The following DNAAF8 variants were observed in gnomAD, a reference collection of about 807,000 sequenced individuals.
The protein encoded by DNAAF8 is dynein axonemal-associated protein 1.
Under a neutral mutation model 54.6 loss-of-function variants are expected in DNAAF8, and 61 were observed. The ratio of observed to expected loss-of-function variants is 1.12; its 90% CI spans 0.91 to 1.38. The LOEUF (loss-of-function observed/expected upper bound fraction) is 1.38, where lower values mean the gene tolerates loss of function less well. Ranked by LOEUF, DNAAF8 falls within the 40% of genes most tolerant of loss-of-function variation. The pLI, the probability that DNAAF8 is intolerant of heterozygous loss-of-function variation, is 0.00. For missense variants in DNAAF8, 837 were observed against 665.0 expected (o/e 1.26, Z -2.85); for synonymous variants, 320 against 270.1 (o/e 1.18, Z -1.81).
intron 1 of DNAAF8, chr16:4,735,285 C>T (rs2081869374): frequency 6.6e-6 from 1 of 152,248 alleles, no homozygotes; most frequent in East Asian, 1.9e-4. Flanking sequence ...AATTGCGGAA[C>T]AGAGCTCTAG....
At chr16:4,741,793 A>AT (rs1264421735) in intron 4 of DNAAF8, among the ~76,000 whole-genome samples, 1 of 152,138 alleles carries the variant, frequency 6.6e-6, no homozygotes, top group Non-Finnish European at 1.5e-5. Context: ...AAAAAAAAAG[A>AT]AATTGGGATT....
chr16:4,740,560 T>C lies in DNAAF8; in HGVS notation c.684T>C (p.Gly228=). The C allele has an allele frequency of 6.2e-7, 1 of 1,613,490 alleles. No individual in the cohort carries two copies. Among genetic ancestry groups the C allele is most frequent in the Non-Finnish European group, 8.5e-7 (1 of 1,179,902 alleles). Residue 228 remains glycine, a synonymous_variant, in exon 4 of 10, where the codon GGT becomes GGC. Coordinates refer to ENST00000299320, the MANE Select transcript of DNAAF8 (RefSeq NM_139170.3). ...DACGPTSSDK[G]GVKEAPCHAA... ...GCGGCCCGACCAGCAGTGACAAAGG[T>C]GGGGTGAAGGAGGCGCCCTGCCACG...
At chr16:4,735,087 G>C (rs1057072192) in intron 1 of DNAAF8, 3 of 152,288 alleles carry the variant, frequency 2.0e-5, no homozygotes, top group African/African-American at 7.2e-5. Flanking sequence ...GGAGAGTCCA[G>C]CAACTGACAC....
At chr16:4,738,167 T>C (rs1380598231) in intron 3 of DNAAF8, among the ~76,000 whole-genome samples, 1 of 152,108 alleles carries the variant, frequency 6.6e-6, no homozygotes, top group Non-Finnish European at 1.5e-5. Flanking sequence ...GCACGCTTGA[T>C]TTTCCATCCG....
chr16:4,736,446 AC>A lies in DNAAF8; in HGVS notation c.-51-15del. 1.4e-6 allele frequency: 2 copies of A among 1,384,464 alleles called. No homozygotes were observed. The highest frequency in any genetic ancestry group is 1.9e-6 in the Non-Finnish European group (2 of 1,054,592). The allele number at this position is 1,384,464 out of a possible 1,614,324, so 85.8% of individuals were successfully genotyped here. A position where few individuals can be genotyped will look rare whatever the true frequency, so the allele number is the denominator to read the frequency against. ...TCAGTGGCCCGGACCCTCTTCCATC[AC>A]CCTGTGTACCCCACAGAGCTCCCCG... On this transcript the variant is annotated splice_polypyrimidine_tract_variant and intron_variant, in intron 1 of 9. Transcript: ENST00000299320.
chr16:4,740,023 C>T, intron 3 of DNAAF8, 130 bp from the exon 4 acceptor site: 1 of 1,151,054 alleles, frequency 8.7e-7, no homozygotes, highest in East Asian at 2.4e-5. Context: ...CGCACCACTG[C>T]ACTGCAGCCT....
At chr16:4,740,014 G>A (rs577418907) in intron 3 of DNAAF8, 139 bp from the exon 4 acceptor site, 12 of 1,046,252 alleles carry the variant, frequency 1.1e-5, no homozygotes, top group African/African-American at 3.3e-5. Flanking sequence ...AGCTATGATC[G>A]CACCACTGCA....
intron 9 of DNAAF8, 67 bp downstream of exon 9, chr16:4,747,701 C>T: frequency 4.1e-6 from 6 of 1,467,648 alleles, no homozygotes; most frequent in East Asian, 2.4e-5. Flanking sequence ...CCGGTGTCCC[C>T]TTGTTGTTCC....
At position 4,748,966 on chromosome 16, in the gene DNAAF8, C is replaced by A. The variant is rs1356427842; in HGVS notation, c.*251C>A. ...GGCCGTGGTCACTGGCCGCCAAGATCAGGGCTACAGATGTCTGCTCTCTGG... is the reference window on the plus strand; with the variant it reads ...GGCCGTGGTCACTGGCCGCCAAGATAAGGGCTACAGATGTCTGCTCTCTGG... On this transcript the variant is annotated 3_prime_UTR_variant, in exon 10 of 10. Coordinates refer to ENST00000299320, the MANE Select transcript of DNAAF8 (RefSeq NM_139170.3). The A allele has an allele frequency of 6.6e-6, 1 of 152,342 alleles. No individual in the cohort carries two copies. Among genetic ancestry groups the A allele is most frequent in the Non-Finnish European group, 1.5e-5 (1 of 68,102 alleles). The allele number at this position is 152,342 out of a possible 1,614,324, so 9.4% of individuals were successfully genotyped here. A position where few individuals can be genotyped will look rare whatever the true frequency, so the allele number is the denominator to read the frequency against.
intron 3 of DNAAF8, among the ~76,000 whole-genome samples, chr16:4,739,265 GTTTT>G (rs35113323): frequency 3.2e-4 from 22 of 69,030 alleles, no homozygotes; most frequent in South Asian, 6.4e-4. Flanking sequence ...ATTTTTTCTT[GTTTT>G]TTTTTTTTTT....
In DNAAF8 at chr16:4,740,171, G is replaced by T. The variant is rs1437603534; in HGVS notation, c.295G>T (p.Glu99Ter). 1 of 1,610,260 alleles carries T rather than the reference G, an allele frequency of 6.2e-7. No homozygotes were observed. Among genetic ancestry groups the T allele is most frequent in the Admixed American group, 1.7e-5 (1 of 59,698 alleles). ...SLPEPVLVPA[E>*]LATEPGCRQN... ...TTGACAGCCAGTTCTGGTGCCTGCA[G>T]AATTGGCCACAGAACCTGGGTGCAG... The change falls in exon 4 of 10, where the codon GAA (glutamate) becomes TAA (stop). Residue 99 changes from glutamate (E) to a stop codon, truncating the protein, a stop_gained. Transcript: ENST00000299320. LOFTEE classifies it high-confidence loss of function.
chr16:4,740,663 G>A lies in DNAAF8; in HGVS notation c.783+4G>A. 1 of 1,583,164 alleles carries A rather than the reference G, an allele frequency of 6.3e-7. No homozygotes were observed. Among genetic ancestry groups the A allele is most frequent in the South Asian group, 1.1e-5 (1 of 88,808 alleles). The stretch of plus-strand genomic sequence containing the variant: ...ACCACCAGTGCTCTCGCTCCAGGTA[G>A]GCGCCTCCCCGTGCCTGGCTGTTTC... On this transcript the variant is annotated splice_donor_region_variant and intron_variant, in intron 4 of 9. Transcript: ENST00000299320.
chr16:4,744,941 G>A lies in DNAAF8; in HGVS notation c.973G>A (p.Ala325Thr), dbSNP rs372041251. ...LALLCTTQSK[A>T]SACARKVPAD... is the part of the protein sequence containing the mutation. ...CCTCCTGTGCACCACGCAGTCCAAG[G>A]CCTCTGCTTGTGCCCGGAAGGTGCC... is the stretch of plus-strand genomic sequence containing the variant. The change falls in exon 6 of 10, where the codon GCC (alanine) becomes ACC (threonine). Residue 325 changes from alanine (A) to threonine (T), a missense_variant. Coordinates refer to ENST00000299320, the MANE Select transcript of DNAAF8 (RefSeq NM_139170.3). 17 of 1,613,758 alleles carry A rather than the reference G, an allele frequency of 1.1e-5. No homozygotes were observed. The African/African-American group carries it at 2.0e-4, about 19-fold the overall frequency.
intron 7 of DNAAF8, 29 bp from the exon 8 acceptor site, chr16:4,746,898 C>A: frequency 2.6e-6 from 4 of 1,515,474 alleles, no homozygotes; most frequent in Non-Finnish European, 3.5e-6. Flanking sequence ...GGAGTGGGCA[C>A]ATCCAGAAAC....
At chr16:4,737,973 C>G in intron 3 of DNAAF8, 27 bp downstream of exon 3, 1 of 1,607,522 alleles carries the variant, frequency 6.2e-7, no homozygotes, top group Non-Finnish European at 8.5e-7. Flanking sequence ...AGAGTATACG[C>G]CTGTGTGTGT....
At chr16:4,745,188 G>T (rs1026709478) in intron 6 of DNAAF8, among the ~76,000 whole-genome samples, 177 bp downstream of exon 6, 2 of 152,176 alleles carry the variant, frequency 1.3e-5, no homozygotes, top group Non-Finnish European at 2.9e-5. Context: ...GGAAACCAAG[G>T]CTCAGAGAGG....
chr16:4,737,884 G>T lies in DNAAF8; in HGVS notation c.214G>T (p.Asp72Tyr). Residue 72 changes from aspartate (D) to tyrosine (Y), a missense_variant, in exon 3 of 10, where the codon GAT becomes TAT. Asp to Tyr is a radical substitution (Grantham distance 160). Transcript: ENST00000299320. ...AGACCTGTCGGAGGAGCTGGCTGAA[G>T]ATCCTGCCGATGGCGACAAGTCCAG... ...IPDLSEELAE[D>Y]PADGDKSRAW... The T allele has an allele frequency of 1.9e-6, 3 of 1,614,234 alleles. No homozygotes were observed. Among genetic ancestry groups the T allele is most frequent in the Non-Finnish European group, 2.5e-6 (3 of 1,180,040 alleles).
At chr16:4,743,455 C>A in intron 5 of DNAAF8, 1 of 242,254 alleles carries the variant, frequency 4.1e-6, no homozygotes, top group Non-Finnish European at 7.9e-6. Context: ...CCTGGGCCAG[C>A]CTGCCTTCCT....
intron 4 of DNAAF8, among the ~76,000 whole-genome samples, chr16:4,742,688 C>G (rs758271144): frequency 7.2e-5 from 11 of 152,146 alleles, no homozygotes; most frequent in Non-Finnish European, 1.5e-4. Flanking sequence ...CCACTACACT[C>G]CAGCCTGAGC....
Sources: gnomAD v4.1 joint callset for allele counts (sites outside exome capture counted in the v4.1 genomes callset) on GRCh38, gnomAD v4.1.1 for gene constraint, MANE v1.5 for transcripts, NCBI Gene and HGNC (gene_info 2026-07-23, HGNC 2026-07-21) for gene names.